ALCAM: variants seen among roughly 807,000 people sequenced by gnomAD.
ALCAM encodes the protein CD166 antigen.
In ALCAM, 30 loss-of-function variants were observed where a neutral mutation model predicts 70.9. The ratio of observed to expected loss-of-function variants is 0.42; its 90% CI spans 0.32 to 0.57. The LOEUF (loss-of-function observed/expected upper bound fraction) is 0.57, where lower values mean the gene tolerates loss of function less well. ALCAM is among the 20% of genes least tolerant of loss of function. The pLI, the probability that ALCAM is intolerant of heterozygous loss-of-function variation, is 0.11. For synonymous variants in ALCAM, 249 were observed against 242.5 expected (o/e 1.03, Z -0.25); for missense variants, 591 against 695.1 (o/e 0.85, Z 1.68).
At chr3:105,396,484 G>T (rs62262159) in intron 1 of ALCAM, among the ~76,000 whole-genome samples, 1 of 152,074 alleles carries the variant, frequency 6.6e-6, no homozygotes, top group East Asian at 1.9e-4. Context: ...ACTGAGAAAC[G>T]GGACAAGATT....
rs767868047 is a variant in ALCAM, at chr3:105,545,231, T to G, written c.1000T>G (p.Leu334Val). 1 of 1,605,288 alleles carries G rather than the reference T, an allele frequency of 6.2e-7. No homozygotes were observed. The highest frequency in any genetic ancestry group is 1.1e-5 in the South Asian group (1 of 90,948). ...GATTTTCTGCTTCACAGATTTGGATTTGTCCTTAAACCCAAGTGGAGAAGT... is the reference window on the plus strand; with the variant it reads ...GATTTTCTGCTTCACAGATTTGGATGTGTCCTTAAACCCAAGTGGAGAAGT... ...STAITVHYLD[L>V]SLNPSGEVTR... Residue 334 changes from leucine (L) to valine (V), a missense_variant, in exon 9 of 16, where the codon TTG (leucine) becomes GTG (valine). By Grantham distance (32) the Leu-to-Val change is conservative. Coordinates refer to ENST00000306107, the MANE Select transcript of ALCAM (RefSeq NM_001627.4).
intron 1 of ALCAM, among the ~76,000 whole-genome samples, chr3:105,437,022 T>C (rs560748533): frequency 3.9e-5 from 6 of 152,224 alleles, no homozygotes; most frequent in African/African-American, 1.4e-4. Context: ...ACACTGAGAA[T>C]ACAGATGTGA....
intron 1 of ALCAM, chr3:105,439,493 C>T (rs1937124813): frequency 6.6e-6 from 1 of 151,940 alleles, no homozygotes; most frequent in Admixed American, 6.5e-5. Context: ...ATGGTAAGTA[C>T]TCCACAAATT....
At chr3:105,565,380 C>T (rs540921485) in intron 14 of ALCAM, among the ~76,000 whole-genome samples, 1 of 152,226 alleles carries the variant, frequency 6.6e-6, no homozygotes, top group South Asian at 2.1e-4. Context: ...ACTTAATTGT[C>T]ACTGATTTTA....
chr3:105,498,367 A>C (rs756043175), intron 1 of ALCAM, among the ~76,000 whole-genome samples: 34 of 152,144 alleles, frequency 2.2e-4, no homozygotes, highest in Admixed American at 8.5e-4. Context: ...AAGTTTTCTA[A>C]AAAGTAAATG....
chr3:105,476,596 G>A (rs1004549958), intron 1 of ALCAM, among the ~76,000 whole-genome samples: 5 of 151,740 alleles, frequency 3.3e-5, no homozygotes, highest in African/African-American at 9.7e-5. Context: ...ATCCCTGTAC[G>A]AAAATAAATA....
chr3:105,561,759 TTA>T (rs1214739581), intron 14 of ALCAM, among the ~76,000 whole-genome samples: 3 of 152,154 alleles, frequency 2.0e-5, no homozygotes, highest in Admixed American at 2.0e-4. Flanking sequence ...ATATTCCTGA[TTA>T]TATTTATTAC....
chr3:105,441,799 A>G (rs1010670421), intron 1 of ALCAM, among the ~76,000 whole-genome samples: 8 of 152,214 alleles, frequency 5.3e-5, no homozygotes, highest in Non-Finnish European at 1.2e-4. Flanking sequence ...ATACTTAGAA[A>G]TGACGATAAA....
At chr3:105,399,703 A>G (rs1234503541) in intron 1 of ALCAM, among the ~76,000 whole-genome samples, 1 of 152,118 alleles carries the variant, frequency 6.6e-6, no homozygotes, top group Non-Finnish European at 1.5e-5. Flanking sequence ...TTTTTGACCA[A>G]TCTTTCAGGC....
intron 1 of ALCAM, among the ~76,000 whole-genome samples, chr3:105,514,310 A>G (rs1939323614): frequency 1.3e-5 from 2 of 151,992 alleles, no homozygotes; most frequent in Admixed American, 1.3e-4. Flanking sequence ...TAAAGGAAAC[A>G]TAGGAATCTG....
At chr3:105,411,924 A>G (rs1432433892) in intron 1 of ALCAM, among the ~76,000 whole-genome samples, 1 of 152,102 alleles carries the variant, frequency 6.6e-6, no homozygotes, top group Non-Finnish European at 1.5e-5. Context: ...GATGAAAAGT[A>G]TAAGAAATGA....
In ALCAM at chr3:105,552,446, G is replaced by C. The variant is rs139236235; in HGVS notation, c.1547-22G>C. On this transcript the variant is annotated intron_variant, in intron 13 of 15. Transcript: ENST00000306107. ...TCCTTGGCATTGTCTGTAATTGCAT[G>C]GACTTTTCTTCTTTGTTGCAGATGA... 7.7e-4 allele frequency: 1,236 copies of C among 1,603,654 alleles called. 8 individuals are homozygous for C. The African/African-American group carries it at 0.015, about 19-fold the overall frequency.
intron 1 of ALCAM, among the ~76,000 whole-genome samples, chr3:105,439,887 G>A (rs1937133849): frequency 6.6e-6 from 1 of 152,160 alleles, no homozygotes; most frequent in African/African-American, 2.4e-5. Flanking sequence ...TGTTGTCATT[G>A]TTGTTACTGT....
chr3:105,526,879 A>G (rs991954582), intron 3 of ALCAM, among the ~76,000 whole-genome samples: 2 of 152,256 alleles, frequency 1.3e-5, no homozygotes, highest in Admixed American at 1.3e-4. Context: ...TCACTTAGCA[A>G]CGTGCACCGT....
chr3:105,531,473 ATG>A (rs1939838194), intron 3 of ALCAM: 1 of 152,638 alleles, frequency 6.6e-6, no homozygotes, highest in African/African-American at 2.4e-5. Flanking sequence ...CTCAAACTTT[ATG>A]GTGACTGAGA....
At chr3:105,479,432 A>T (rs1407222816) in intron 1 of ALCAM, among the ~76,000 whole-genome samples, 1 of 152,232 alleles carries the variant, frequency 6.6e-6, no homozygotes, top group Non-Finnish European at 1.5e-5. Flanking sequence ...TCATCAAAAT[A>T]ACTACTAAAA....
intron 2 of ALCAM, among the ~76,000 whole-genome samples, chr3:105,521,750 C>T (rs1297664845): frequency 6.6e-6 from 1 of 152,128 alleles, no homozygotes; most frequent in African/African-American, 2.4e-5. Flanking sequence ...GTCTGTGATG[C>T]TGCAGAATCC....
In ALCAM at chr3:105,380,246, A is replaced by G. The variant is rs536617856; in HGVS notation, c.73+12765A>G. Among the ~76,000 whole-genome samples, 218 of 151,896 alleles carry G rather than the reference A, an allele frequency of 1.4e-3. 1 individual carries two copies. The highest frequency in any genetic ancestry group is 2.6e-3 in the Non-Finnish European group (174 of 67,794). ...TAAATTGATATTCATCATCTTATCTATTATTACTTTACCTTTTAATTTTGT... is the reference window on the plus strand; with the variant it reads ...TAAATTGATATTCATCATCTTATCTGTTATTACTTTACCTTTTAATTTTGT... On this transcript the variant is annotated intron_variant, in intron 1 of 15. Transcript: ENST00000306107.
At chr3:105,441,156 G>A (rs73181396) in intron 1 of ALCAM, among the ~76,000 whole-genome samples, 22,766 of 151,854 alleles carry the variant, frequency 0.15, 1,818 homozygotes, top group Middle Eastern at 0.19. Flanking sequence ...ATGGCACTTC[G>A]TGACCAAACA....
Sources: gnomAD v4.1 joint callset for allele counts (sites outside exome capture counted in the v4.1 genomes callset) on GRCh38, gnomAD v4.1.1 for gene constraint, MANE v1.5 for transcripts, NCBI Gene and HGNC (gene_info 2026-07-23, HGNC 2026-07-21) for gene names.